LY86: variants seen among roughly 807,000 people sequenced by gnomAD.
LY86 encodes MD-1, RP105-associated.
In LY86, 20 loss-of-function variants were observed where a neutral mutation model predicts 17.3. The ratio of observed to expected loss-of-function variants is 1.15; its 90% CI spans 0.81 to 1.68. The LOEUF (loss-of-function observed/expected upper bound fraction) is 1.68, where lower values mean the gene tolerates loss of function less well. Ranked by LOEUF, LY86 falls within the 40% of genes most tolerant of loss-of-function variation. The pLI, the probability that LY86 is intolerant of heterozygous loss-of-function variation, is 0.00. For synonymous variants in LY86, 74 were observed against 70.6 expected, an observed-to-expected ratio of 1.05 and a Z score of -0.24; for missense variants, 200 against 191.9, an observed-to-expected ratio of 1.04 and a Z score of -0.25.
intron 3 of LY86, among the ~76,000 whole-genome samples, chr6:6,638,475 G>C (rs1234969439): frequency 6.6e-6 from 1 of 152,098 alleles, no homozygotes; most frequent in Non-Finnish European, 1.5e-5. Context: ...GCTATTTGAA[G>C]AATTTACATT....
At chr6:6,612,627 T>C (rs909873550) in intron 1 of LY86, among the ~76,000 whole-genome samples, 3 of 152,198 alleles carry the variant, frequency 2.0e-5, no homozygotes, top group African/African-American at 7.2e-5. Flanking sequence ...TGCTGATTGG[T>C]CCATTTTACA....
In LY86 at chr6:6,616,894, A is replaced by G. The variant is rs74867352; in HGVS notation, c.137-8032A>G. The stretch of plus-strand genomic sequence containing the variant: ...AGACAGACAAATGCGTAAGAACCGC[A>G]GACATGAAATACAACAGGTGTATCC... On this transcript the variant is annotated intron_variant, in intron 1 of 4. Coordinates refer to ENST00000230568, the MANE Select transcript of LY86 (RefSeq NM_004271.4). Among the ~76,000 whole-genome samples the G allele has an allele frequency of 9.3e-3, 1,422 of 152,336 alleles. 6 individuals carry two copies. The highest frequency in any genetic ancestry group is 0.013 in the Non-Finnish European group (917 of 68,032).
At chr6:6,615,934 AAG>A (rs1227713047) in intron 1 of LY86, among the ~76,000 whole-genome samples, 1 of 152,192 alleles carries the variant, frequency 6.6e-6, no homozygotes, top group African/African-American at 2.4e-5. Context: ...TTACATTAAA[AAG>A]AAAAATGTTA....
chr6:6,611,839 TCTC>T (rs1195411136), intron 1 of LY86, among the ~76,000 whole-genome samples: 2 of 152,182 alleles, frequency 1.3e-5, no homozygotes, highest in African/African-American at 4.8e-5. Flanking sequence ...GGCTTTTGTC[TCTC>T]CTGTCAATCT....
At chr6:6,631,324 C>CG (rs891873157) in intron 3 of LY86, among the ~76,000 whole-genome samples, 3 of 152,292 alleles carry the variant, frequency 2.0e-5, no homozygotes, top group East Asian at 1.9e-4. Flanking sequence ...ACAAAGCCAG[C>CG]GGGGGGTGGA....
intron 1 of LY86, among the ~76,000 whole-genome samples, chr6:6,600,656 T>G (rs1294602292): frequency 7.2e-6 from 1 of 138,662 alleles, no homozygotes. Flanking sequence ...CTTGGGCCCC[T>G]AACACCCCAA....
intron 1 of LY86, among the ~76,000 whole-genome samples, chr6:6,589,861 C>T (rs1045951312): frequency 1.3e-5 from 2 of 152,080 alleles, no homozygotes; most frequent in Non-Finnish European, 2.9e-5. Flanking sequence ...ATGGCTCACA[C>T]CTGTAATCCC....
rs1156281351 is a variant in LY86 at position 6,649,644 on chromosome 6, G to T, written c.372G>T (p.Gly124=). 8 of 1,573,078 alleles carry T rather than the reference G, an allele frequency of 5.1e-6. No homozygotes were observed. The highest frequency in any genetic ancestry group is 7.0e-6 in the Non-Finnish European group (8 of 1,148,052). ...TTTCAGAGCAGATTTACTATGCTGG[G>T]CCTGTCAATAATCCTGAATTTACTA... ...RRKGEQIYYA[G]PVNNPEFTIP... is the part of the protein sequence containing the mutation. Residue 124 remains glycine, a synonymous_variant, in exon 4 of 5, where the codon GGG becomes GGT. Coordinates refer to ENST00000230568, the MANE Select transcript of LY86 (RefSeq NM_004271.4).
At chr6:6,593,161 C>T (rs547616787) in intron 1 of LY86, among the ~76,000 whole-genome samples, 19 of 152,384 alleles carry the variant, frequency 1.2e-4, no homozygotes, top group African/African-American at 4.1e-4. Context: ...AGGGCCTGGG[C>T]CTTGCTCCCT....
At chr6:6,651,251 A>G (rs1371524238) in intron 4 of LY86, among the ~76,000 whole-genome samples, 2 of 152,376 alleles carry the variant, frequency 1.3e-5, no homozygotes, top group Non-Finnish European at 1.5e-5. Flanking sequence ...TCAGTTCTCC[A>G]AAACCTGTAT....
intron 1 of LY86, among the ~76,000 whole-genome samples, chr6:6,610,418 G>GC (rs1257867835): frequency 6.6e-6 from 1 of 152,176 alleles, no homozygotes; most frequent in African/African-American, 2.4e-5. Flanking sequence ...CAGGCCCTGA[G>GC]CCCCCAGAGT....
chr6:6,609,785 C>A (rs1393833974), intron 1 of LY86, among the ~76,000 whole-genome samples: 3 of 151,592 alleles, frequency 2.0e-5, no homozygotes, highest in African/African-American at 7.3e-5. Flanking sequence ...TGCTCTCATA[C>A]TAGAAAGCAT....
At chr6:6,591,704 G>C (rs1438557329) in intron 1 of LY86, among the ~76,000 whole-genome samples, 1 of 152,142 alleles carries the variant, frequency 6.6e-6, no homozygotes, top group Non-Finnish European at 1.5e-5. Context: ...TCACAGAGAA[G>C]GTAAGACATT....
chr6:6,606,034 A>G (rs987011901), intron 1 of LY86, among the ~76,000 whole-genome samples: 1 of 152,202 alleles, frequency 6.6e-6, no homozygotes, highest in Non-Finnish European at 1.5e-5. Context: ...AGCACGTAAT[A>G]CTACTCAAGC....
At chr6:6,612,551 C>T (rs751544081) in intron 1 of LY86, among the ~76,000 whole-genome samples, 2 of 152,162 alleles carry the variant, frequency 1.3e-5, no homozygotes, top group Non-Finnish European at 2.9e-5. Flanking sequence ...AGCAACGAAA[C>T]AACCAGTTGT....
At chr6:6,621,226 C>T (rs1301590733) in intron 1 of LY86, 2 of 152,232 alleles carry the variant, frequency 1.3e-5, no homozygotes, top group African/African-American at 4.8e-5. Flanking sequence ...CTTATCTCTG[C>T]CCTTGAATTC....
rs199749860 is a variant in LY86 at position 6,648,772 on chromosome 6, G to GAA, written c.353-847_353-846dup. Among the ~76,000 whole-genome samples the GAA allele has an allele frequency of 8.0e-3, 1,198 of 150,480 alleles. 11 individuals are homozygous for GAA. The highest frequency in any genetic ancestry group is 0.028 in the African/African-American group (1,133 of 40,732). ...ATTATCTTACCCATCTTGGAAAAAA[G>GAA]AAAAAAACAAGGAAACTGAGCCCAA... On this transcript the variant is annotated intron_variant, in intron 3 of 4. Transcript: ENST00000230568.
At chr6:6,653,885 A>G (rs1331035378) in intron 4 of LY86, among the ~76,000 whole-genome samples, 1 of 152,114 alleles carries the variant, frequency 6.6e-6, no homozygotes, top group African/African-American at 2.4e-5. Flanking sequence ...ACTCCAAGTC[A>G]TCTTCATCTC....
At chr6:6,639,909 G>T (rs1293045347) in intron 3 of LY86, among the ~76,000 whole-genome samples, 2 of 152,102 alleles carry the variant, frequency 1.3e-5, no homozygotes, top group East Asian at 3.8e-4. Flanking sequence ...TGTATAATAC[G>T]GGAAAAACTC....
Sources: allele counts gnomAD v4.1 joint callset (sites outside exome capture counted in the v4.1 genomes callset), GRCh38; gene constraint gnomAD v4.1.1; transcripts MANE v1.5; gene names NCBI Gene and HGNC (gene_info 2026-07-23, HGNC 2026-07-21).